Variants in NELL1 observed in about 807,000 individuals in gnomAD.
NELL1 encodes neural EGFL like 1, also known as protein kinase C-binding protein NELL1.
A neutral mutation model predicts 107.4 loss-of-function variants in NELL1; 76 were observed. That is an observed-to-expected ratio of 0.71 (90% confidence interval 0.59 to 0.86). The LOEUF (loss-of-function observed/expected upper bound fraction) is 0.86. Among genes scored for constraint, NELL1 ranks in the 40% least tolerant of loss-of-function variants. The pLI is 0.00. For synonymous variants in NELL1, 353 were observed against 341.2 expected, an observed-to-expected ratio of 1.03 and a Z score of -0.38; for missense variants, 1,024 against 1,005.5, an observed-to-expected ratio of 1.02 and a Z score of -0.25.
intron 14 of NELL1, among the ~76,000 whole-genome samples, chr11:21,367,862 A>T (rs1163031722): frequency 6.6e-6 from 1 of 152,088 alleles, no homozygotes; most frequent in African/African-American, 2.4e-5. Context: ...TGGAAAGGCA[A>T]TGTAGCGGTG....
intron 14 of NELL1, among the ~76,000 whole-genome samples, chr11:21,343,313 C>T (rs1297800280): frequency 6.6e-6 from 1 of 151,970 alleles, no homozygotes; most frequent in Non-Finnish European, 1.5e-5. Context: ...TTCATGATCT[C>T]GTTGCTCAAC....
intron 15 of NELL1, among the ~76,000 whole-genome samples, chr11:21,452,335 G>T (rs968229518): frequency 3.3e-5 from 5 of 152,156 alleles, no homozygotes; most frequent in African/African-American, 1.2e-4. Context: ...TGTTTTGGTT[G>T]TGGTAGGTGG....
At chr11:20,793,660 CTA>C (rs1380049299) in intron 3 of NELL1, among the ~76,000 whole-genome samples, 1 of 152,038 alleles carries the variant, frequency 6.6e-6, no homozygotes. Context: ...ACTGATATTG[CTA>C]TATAGTGTTT....
intron 2 of NELL1, among the ~76,000 whole-genome samples, chr11:20,767,514 G>C (rs896397075): frequency 3.9e-4 from 60 of 152,124 alleles, no homozygotes; most frequent in Admixed American, 1.2e-3. Flanking sequence ...ATAGAGCGCT[G>C]ATTGGTGCAT....
At chr11:21,112,488 A>G (rs1330450865) in intron 12 of NELL1, among the ~76,000 whole-genome samples, 1 of 152,008 alleles carries the variant, frequency 6.6e-6, no homozygotes, top group Non-Finnish European at 1.5e-5. Context: ...GAAGTAAATA[A>G]TAGTAAATAA....
intron 12 of NELL1, among the ~76,000 whole-genome samples, chr11:21,112,235 AC>A (rs1220411948): frequency 6.6e-6 from 1 of 151,962 alleles, no homozygotes; most frequent in African/African-American, 2.4e-5. Flanking sequence ...CCTCGCAATA[AC>A]TTTTATTTAT....
intron 15 of NELL1, among the ~76,000 whole-genome samples, chr11:21,425,252 A>T (rs901509493): frequency 1.3e-5 from 2 of 151,654 alleles, no homozygotes; most frequent in African/African-American, 4.8e-5. Context: ...AGCCTATCCT[A>T]AAATTCATAT....
At chr11:21,000,029 T>C (rs1207475497) in intron 12 of NELL1, among the ~76,000 whole-genome samples, 1 of 152,112 alleles carries the variant, frequency 6.6e-6, no homozygotes, top group Admixed American at 6.6e-5. Context: ...TAATAGATGA[T>C]GTTCCTCAGA....
At chr11:20,926,184 T>A (rs1056359699) in intron 7 of NELL1, among the ~76,000 whole-genome samples, 3 of 152,198 alleles carry the variant, frequency 2.0e-5, no homozygotes, top group Non-Finnish European at 2.9e-5. Context: ...CACTACTAGG[T>A]TGAGTTACTC....
intron 2 of NELL1, among the ~76,000 whole-genome samples, chr11:20,689,417 T>TA (rs1013619567): frequency 2.7e-5 from 4 of 145,812 alleles, no homozygotes; most frequent in Non-Finnish European, 3.0e-5. Context: ...GCATATCTCC[T>TA]AATGCTATCC....
At chr11:20,671,057 A>G (rs1007474911) in intron 1 of NELL1, 1 of 152,320 alleles carries the variant, frequency 6.6e-6, no homozygotes, top group African/African-American at 2.4e-5. Context: ...CTGAGCAGGC[A>G]GCGGCTTTCG....
chr11:21,165,841 C>T (rs1428004002), intron 13 of NELL1, among the ~76,000 whole-genome samples: 1 of 145,546 alleles, frequency 6.9e-6, no homozygotes, highest in African/African-American at 2.6e-5. Context: ...TGGGTCACTG[C>T]AACCTCTGCC....
At chr11:20,778,312 T>A (rs1020717082) in intron 2 of NELL1, among the ~76,000 whole-genome samples, 2 of 152,154 alleles carry the variant, frequency 1.3e-5, no homozygotes, top group African/African-American at 4.8e-5. Flanking sequence ...ATTTCCCCAG[T>A]GCCAACCACA....
intron 12 of NELL1, among the ~76,000 whole-genome samples, chr11:20,986,907 A>G (rs1426556790): frequency 6.6e-6 from 1 of 152,216 alleles, no homozygotes; most frequent in Non-Finnish European, 1.5e-5. Context: ...ATAATATGTA[A>G]GAAAGCATTT....
rs150701786 is a variant in NELL1 at position 20,749,896 on chromosome 11, G to C, written c.185-33784G>C. On this transcript the variant is annotated intron_variant, in intron 2 of 19. Transcript: ENST00000357134. ...AGATGTAGCCATGTTGCATATATCAGTGGCTTATTTTTATTGTCAGCTAGT... is the reference window on the plus strand; with the variant it reads ...AGATGTAGCCATGTTGCATATATCACTGGCTTATTTTTATTGTCAGCTAGT... Among the ~76,000 whole-genome samples the C allele has an allele frequency of 6.5e-3, 987 of 152,144 alleles. 8 individuals carry two copies. The highest frequency in any genetic ancestry group is 0.017 in the Middle Eastern group (5 of 294).
At chr11:20,776,719 A>G (rs1379105442) in intron 2 of NELL1, among the ~76,000 whole-genome samples, 1 of 152,070 alleles carries the variant, frequency 6.6e-6, no homozygotes, top group African/African-American at 2.4e-5. Flanking sequence ...CCTGGGAAGA[A>G]GGGATATTAG....
intron 16 of NELL1, among the ~76,000 whole-genome samples, chr11:21,543,236 GT>G (rs751576010): frequency 3.0e-4 from 45 of 152,140 alleles, no homozygotes; most frequent in Middle Eastern, 3.4e-3. Context: ...CTTCAAAATT[GT>G]TGTTTCCAAA....
At chr11:21,176,212 G>C (rs1856708292) in intron 13 of NELL1, among the ~76,000 whole-genome samples, 1 of 151,824 alleles carries the variant, frequency 6.6e-6, no homozygotes. Flanking sequence ...GAATGTTTCT[G>C]TCGCCATCAA....
At chr11:20,801,112 C>G (rs560178160) in intron 3 of NELL1, among the ~76,000 whole-genome samples, 4 of 152,168 alleles carry the variant, frequency 2.6e-5, no homozygotes, top group Non-Finnish European at 5.9e-5. Context: ...ACCATAAGGT[C>G]ATGTGTCAAT....
Sources: allele counts gnomAD v4.1 joint callset (sites outside exome capture counted in the v4.1 genomes callset), GRCh38; gene constraint gnomAD v4.1.1; transcripts MANE v1.5; gene names NCBI Gene and HGNC (gene_info 2026-07-23, HGNC 2026-07-21).